Variants in TRHDE observed in about 807,000 individuals in gnomAD.
The protein encoded by TRHDE is thyrotropin-releasing hormone-degrading ectoenzyme.
TRHDE carries 72 observed loss-of-function variants against 125.7 expected under a neutral mutation model. That is an observed-to-expected ratio of 0.57 (90% CI 0.47 to 0.70). TRHDE has a LOEUF of 0.70. TRHDE is among the 30% of genes least tolerant of loss of function. The pLI, the probability that TRHDE is intolerant of heterozygous loss-of-function variation, is 0.00. For missense variants in TRHDE, 1,110 were observed against 1,327.1 expected, an observed-to-expected ratio of 0.84 and a Z score of 2.54; for synonymous variants, 509 against 509.1, an observed-to-expected ratio of 1.00 and a Z score of 0.00.
At chr12:72,484,387 A>G (rs1227529368) in intron 5 of TRHDE, among the ~76,000 whole-genome samples, 1 of 152,160 alleles carries the variant, frequency 6.6e-6, no homozygotes, top group Non-Finnish European at 1.5e-5. Flanking sequence ...CTTAAAATCT[A>G]TGGACAGGAT....
intron 2 of TRHDE, among the ~76,000 whole-genome samples, chr12:72,155,371 T>C (rs2139324458): frequency 6.6e-6 from 1 of 152,338 alleles, no homozygotes; most frequent in Non-Finnish European, 1.5e-5. Flanking sequence ...AGTTTGATCG[T>C]CTGAAGCCTT....
At chr12:72,413,058 A>G (rs899173993) in intron 3 of TRHDE, among the ~76,000 whole-genome samples, 2 of 152,000 alleles carry the variant, frequency 1.3e-5, no homozygotes, top group African/African-American at 4.8e-5. Flanking sequence ...AGGTTGCAAC[A>G]TATCATTATT....
intron 2 of TRHDE, among the ~76,000 whole-genome samples, chr12:72,347,860 T>C (rs984680677): frequency 1.3e-5 from 2 of 151,970 alleles, no homozygotes; most frequent in African/African-American, 4.8e-5. Context: ...GTTACTTTTG[T>C]CATATTTTAT....
At chr12:72,381,258 A>G (rs1000102488) in intron 3 of TRHDE, among the ~76,000 whole-genome samples, 1 of 152,218 alleles carries the variant, frequency 6.6e-6, no homozygotes, top group African/African-American at 2.4e-5. Flanking sequence ...GTAAGAGGAC[A>G]TGACAGAGGT....
At chr12:72,403,639 A>G (rs1455723501) in intron 3 of TRHDE, among the ~76,000 whole-genome samples, 3 of 152,192 alleles carry the variant, frequency 2.0e-5, no homozygotes, top group Non-Finnish European at 4.4e-5. Flanking sequence ...GAGAGCCAGG[A>G]CTGCATTCCC....
intron 5 of TRHDE, among the ~76,000 whole-genome samples, chr12:72,473,606 A>C (rs1473673328): frequency 1.3e-5 from 2 of 152,134 alleles, no homozygotes; most frequent in Non-Finnish European, 2.9e-5. Flanking sequence ...TTGTAGATAT[A>C]TGTATTTTAG....
chr12:72,283,681 A>G (rs1391229133), intron 1 of TRHDE, among the ~76,000 whole-genome samples: 1 of 152,124 alleles, frequency 6.6e-6, no homozygotes, highest in African/African-American at 2.4e-5. Flanking sequence ...TTTTCTCTGC[A>G]TAAATATTTG....
intron 3 of TRHDE, among the ~76,000 whole-genome samples, chr12:72,412,172 G>A (rs1177240230): frequency 6.6e-6 from 1 of 152,018 alleles, no homozygotes; most frequent in Non-Finnish European, 1.5e-5. Flanking sequence ...TAAAAGTGTG[G>A]TAAGACAAAT....
Position 72,167,059 on chromosome 12 carries a change from G to T in TRHDE, n.279+61307G>T, listed in dbSNP as rs558090821. On this transcript the variant is annotated intron_variant and non_coding_transcript_variant, in intron 2 of 4. Coordinates refer to the TRHDE transcript ENST00000548156. The stretch of plus-strand genomic sequence containing the variant: ...AGATGACCCTTTGGATGCGCCCAGG[G>T]GCTGAGGCATGTGTCCTTTATGATT... Among the ~76,000 whole-genome samples, 17 of 152,078 alleles carry T rather than the reference G, an allele frequency of 1.1e-4. 1 individual carries two copies. In the South Asian group the frequency reaches 3.5e-3, roughly 32 times the overall value.
At position 72,514,808 on chromosome 12, in the gene TRHDE, C is replaced by A. The variant is rs1250591398; in HGVS notation, c.1722+15173C>A. Among the ~76,000 whole-genome samples the A allele has an allele frequency of 7.9e-5, 9 of 113,708 alleles. No individual in the cohort carries two copies. The East Asian group carries it at 2.7e-3, about 34-fold the overall frequency. 74.6% of individuals were successfully genotyped at this position (113,708 alleles called of 152,430 possible). ...CCCCCTCCCCCCACCCCAGAACAGT[C>A]CCCAGAGTGTGATGTTCCCCTTCCT... is the stretch of plus-strand genomic sequence containing the variant. On this transcript the variant is annotated intron_variant, in intron 6 of 18. Coordinates refer to ENST00000261180, the MANE Select transcript of TRHDE (RefSeq NM_013381.3).
At chr12:72,332,445 T>C (rs1226073589) in intron 2 of TRHDE, among the ~76,000 whole-genome samples, 2 of 152,028 alleles carry the variant, frequency 1.3e-5, no homozygotes, top group East Asian at 3.9e-4. Context: ...GGCCCCAAAC[T>C]CTTTTAAACA....
intron 12 of TRHDE, among the ~76,000 whole-genome samples, chr12:72,597,008 C>CTAGT (rs1277690333): frequency 6.6e-6 from 1 of 152,102 alleles, no homozygotes; most frequent in Non-Finnish European, 1.5e-5. Context: ...GTGGCTATAC[C>CTAGT]TAGTTAGAGT....
At chr12:72,531,082 C>A (rs568409407) in intron 6 of TRHDE, among the ~76,000 whole-genome samples, 1 of 152,186 alleles carries the variant, frequency 6.6e-6, no homozygotes, top group East Asian at 1.9e-4. Context: ...ACACTCCCAC[C>A]AGAGAGTTTG....
chr12:72,150,848 G>A (rs369412819), intron 2 of TRHDE, among the ~76,000 whole-genome samples: 121 of 151,968 alleles, frequency 8.0e-4, no homozygotes, highest in East Asian at 7.8e-4. Context: ...GAATAGTGCC[G>A]CAATAAACAT....
chr12:72,227,212 TA>T (rs1449248765), intron 2 of TRHDE, among the ~76,000 whole-genome samples: 1 of 152,172 alleles, frequency 6.6e-6, no homozygotes, highest in Non-Finnish European at 1.5e-5. Context: ...CTCATGCTGC[TA>T]ATAAAGACAT....
intron 5 of TRHDE, among the ~76,000 whole-genome samples, chr12:72,488,609 C>G (rs74777818): frequency 1.3e-5 from 2 of 151,864 alleles, no homozygotes; most frequent in Non-Finnish European, 2.9e-5. Flanking sequence ...GATATAAAAT[C>G]AATAAGGAAA....
At chr12:72,654,219 G>A (rs933791635) in intron 17 of TRHDE, among the ~76,000 whole-genome samples, 4 of 152,022 alleles carry the variant, frequency 2.6e-5, no homozygotes, top group Admixed American at 6.6e-5. Context: ...GTAAATCAGC[G>A]TTCAGGGCAA....
intron 2 of TRHDE, among the ~76,000 whole-genome samples, chr12:72,338,698 G>A (rs1199161952): frequency 6.6e-6 from 1 of 152,194 alleles, no homozygotes; most frequent in African/African-American, 2.4e-5. Context: ...GGTCGCAGAT[G>A]ATGATGAAGA....
intron 2 of TRHDE, among the ~76,000 whole-genome samples, chr12:72,310,264 C>T (rs372827631): frequency 6.6e-6 from 1 of 152,280 alleles, no homozygotes; most frequent in East Asian, 1.9e-4. Flanking sequence ...AAATTAAGTG[C>T]CTTAATATGT....
Sources: gnomAD v4.1 joint callset for allele counts (sites outside exome capture counted in the v4.1 genomes callset) on GRCh38, gnomAD v4.1.1 for gene constraint, MANE v1.5 for transcripts, NCBI Gene and HGNC (gene_info 2026-07-23, HGNC 2026-07-21) for gene names.